Variants in GPC5 observed in about 807,000 individuals in gnomAD.
GPC5 encodes glypican-5.
In GPC5, 47 loss-of-function variants were observed where a neutral mutation model predicts 53.9. The observed-to-expected ratio is 0.87, with a 90% CI of 0.69 to 1.11. The LOEUF (loss-of-function observed/expected upper bound fraction) is 1.11. GPC5 is among the 50% of genes most tolerant of loss of function. The pLI is 0.00. For missense variants in GPC5, 748 were observed against 713.1 expected, an observed-to-expected ratio of 1.05 and a Z score of -0.56; for synonymous variants, 286 against 263.3, an observed-to-expected ratio of 1.09 and a Z score of -0.84.
At chr13:92,174,481 G>A (rs150217078) in intron 7 of GPC5, among the ~76,000 whole-genome samples, 1,915 of 151,236 alleles carry the variant, frequency 0.013, 36 homozygotes, top group African/African-American at 0.044. Flanking sequence ...CTTGCAGTGC[G>A]CAGAGATCGC....
intron 2 of GPC5, among the ~76,000 whole-genome samples, chr13:91,515,781 TTAGTC>T (rs10554331): frequency 0.87 from 132,332 of 151,856 alleles, 60,293 homozygotes; most frequent in East Asian, 1. Flanking sequence ...ACCATCTGTT[TTAGTC>T]TGTTTTCACG....
At chr13:92,648,524 A>G (rs1171317410) in intron 7 of GPC5, among the ~76,000 whole-genome samples, 1 of 152,120 alleles carries the variant, frequency 6.6e-6, no homozygotes, top group East Asian at 1.9e-4. Flanking sequence ...GCTATCAAAT[A>G]TTTCCAAATT....
At chr13:91,458,276 C>T (rs558619668) in intron 2 of GPC5, among the ~76,000 whole-genome samples, 10 of 152,086 alleles carry the variant, frequency 6.6e-5, no homozygotes, top group South Asian at 2.1e-4. Context: ...AGGATATCAC[C>T]GAGGCCAGGT....
chr13:92,677,290 T>G (rs1886976987), intron 7 of GPC5, among the ~76,000 whole-genome samples: 1 of 152,212 alleles, frequency 6.6e-6, no homozygotes, highest in Non-Finnish European at 1.5e-5. Context: ...TCACTAATTT[T>G]ATTTATGTCA....
chr13:92,397,240 GC>G (rs1875323642), intron 7 of GPC5, among the ~76,000 whole-genome samples: 3 of 152,050 alleles, frequency 2.0e-5, no homozygotes, highest in East Asian at 1.9e-4. Context: ...TGTGGGAGGG[GC>G]CCTGTGGGAG....
intron 7 of GPC5, among the ~76,000 whole-genome samples, chr13:92,738,801 A>C (rs1889010527): frequency 6.6e-6 from 1 of 152,100 alleles, no homozygotes; most frequent in East Asian, 1.9e-4. Flanking sequence ...TACATGGTTC[A>C]GTAGATTTGG....
chr13:91,930,610 G>A (rs888304897), intron 6 of GPC5, among the ~76,000 whole-genome samples: 1 of 151,900 alleles, frequency 6.6e-6, no homozygotes, highest in African/African-American at 2.4e-5. Context: ...ACAGTTTTAT[G>A]TTTCCACCTA....
In GPC5 at chr13:92,071,097, G is replaced by A. The variant is rs376477365; in HGVS notation, c.1402-73733G>A. ...CTAAAAATACAAAAATTAGCCAGGC[G>A]TGGTGGCATGCACCTGTAGTCCCAA... is the stretch of plus-strand genomic sequence containing the variant. On this transcript the variant is annotated intron_variant, in intron 6 of 7. Coordinates refer to ENST00000377067, the MANE Select transcript of GPC5 (RefSeq NM_004466.6). 5.9e-4 allele frequency among the ~76,000 whole-genome samples: 90 copies of A among 152,106 alleles called. No individual in the cohort carries two copies. The East Asian group carries it at 0.013, about 22-fold the overall frequency.
chr13:92,381,663 G>A (rs9516067), intron 7 of GPC5, among the ~76,000 whole-genome samples: 79,489 of 150,702 alleles, frequency 0.53, 21,111 homozygotes, highest in East Asian at 0.59. Flanking sequence ...TCTACCCAGA[G>A]GAAAAGAAGA....
chr13:92,281,292 G>A (rs1430285079), intron 7 of GPC5, among the ~76,000 whole-genome samples: 1 of 152,200 alleles, frequency 6.6e-6, no homozygotes, highest in African/African-American at 2.4e-5. Context: ...AAGGAGGCTT[G>A]CCTGCCTCTG....
intron 6 of GPC5, among the ~76,000 whole-genome samples, chr13:91,972,001 G>A (rs1024249271): frequency 6.6e-6 from 1 of 152,180 alleles, no homozygotes; most frequent in Admixed American, 6.5e-5. Flanking sequence ...GCAGAGCTGA[G>A]TTCAGTTCCT....
chr13:92,328,218 T>C (rs1245549829), intron 7 of GPC5, among the ~76,000 whole-genome samples: 1 of 152,104 alleles, frequency 6.6e-6, no homozygotes, highest in African/African-American at 2.4e-5. Context: ...TCTATATTTG[T>C]GGAGGGAGTA....
intron 6 of GPC5, among the ~76,000 whole-genome samples, chr13:92,032,414 C>T (rs2040859661): frequency 1.3e-5 from 2 of 150,884 alleles, no homozygotes; most frequent in African/African-American, 2.4e-5. Context: ...AAATACCACC[C>T]GTTTCCCCCC....
At chr13:92,328,624 C>T (rs997488581) in intron 7 of GPC5, among the ~76,000 whole-genome samples, 4 of 152,040 alleles carry the variant, frequency 2.6e-5, no homozygotes, top group Non-Finnish European at 5.9e-5. Context: ...AAAGTAACCC[C>T]GACTAGGAGC....
intron 6 of GPC5, among the ~76,000 whole-genome samples, chr13:91,928,920 A>G (rs907518120): frequency 6.6e-6 from 1 of 152,108 alleles, no homozygotes; most frequent in Admixed American, 6.6e-5. Context: ...TAAAATTTTT[A>G]CTCCAGAGAA....
chr13:92,408,633 C>CAG (rs1875902701), intron 7 of GPC5, among the ~76,000 whole-genome samples: 1 of 132,942 alleles, frequency 7.5e-6, no homozygotes, highest in East Asian at 2.2e-4. Context: ...TATATAGACA[C>CAG]ACACACACAC....
chr13:91,910,663 G>T (rs1478028721), intron 6 of GPC5, among the ~76,000 whole-genome samples: 1 of 152,104 alleles, frequency 6.6e-6, no homozygotes, highest in Non-Finnish European at 1.5e-5. Flanking sequence ...ACCCTGAATT[G>T]TCTGCAATTA....
At chr13:92,412,141 T>C (rs1876071622) in intron 7 of GPC5, among the ~76,000 whole-genome samples, 2 of 152,238 alleles carry the variant, frequency 1.3e-5, no homozygotes, top group Admixed American at 1.3e-4. Context: ...TGATCCTCTG[T>C]GTCTGTGAGA....
chr13:91,936,136 A>G (rs1359457071), intron 6 of GPC5, among the ~76,000 whole-genome samples: 1 of 152,102 alleles, frequency 6.6e-6, no homozygotes, highest in Non-Finnish European at 1.5e-5. Flanking sequence ...GCAAACTGTT[A>G]TAAAAGATGA....
Sources: gnomAD v4.1 joint callset for allele counts (sites outside exome capture counted in the v4.1 genomes callset) on GRCh38, gnomAD v4.1.1 for gene constraint, MANE v1.5 for transcripts, NCBI Gene and HGNC (gene_info 2026-07-23, HGNC 2026-07-21) for gene names.